Variants in TNR observed in about 807,000 individuals in gnomAD.
The protein encoded by TNR is tenascin R.
In TNR, 45 loss-of-function variants were observed where a neutral mutation model predicts 150.4. The observed-to-expected ratio is 0.30, with a 90% confidence interval of 0.24 to 0.38. The LOEUF (loss-of-function observed/expected upper bound fraction) is 0.38. Among genes scored for constraint, TNR ranks in the 10% least tolerant of loss-of-function variants. The probability of loss-of-function intolerance (pLI) is 1.00; values close to 1 mark genes in which losing one functional copy is unlikely to be tolerated. For synonymous variants in TNR, 687 were observed against 678.4 expected, an observed-to-expected ratio of 1.01 and a Z score of -0.20; for missense variants, 1,544 against 1,759.1, an observed-to-expected ratio of 0.88 and a Z score of 2.19.
At chr1:175,465,237 T>C (rs1228215603) in intron 2 of TNR, among the ~76,000 whole-genome samples, 2 of 152,208 alleles carry the variant, frequency 1.3e-5, no homozygotes, top group African/African-American at 4.8e-5. Context: ...CTTTTGGTCT[T>C]AGTTTCCTTA....
At chr1:175,334,325 A>C (rs1044727813) in intron 20 of TNR, among the ~76,000 whole-genome samples, 1 of 152,206 alleles carries the variant, frequency 6.6e-6, no homozygotes, top group Non-Finnish European at 1.5e-5. Context: ...CAAGGATGAT[A>C]ATAGTCCTCC....
rs560622589 is a variant in TNR, at chr1:175,722,234, G to A, written c.-165+20992C>T. The stretch of plus-strand genomic sequence containing the variant: ...TTCCCCTCCTCCTCCTTCCCCTATC[G>A]GTTTGAATTGTGAATAATTCATGTG... On this transcript the variant is annotated intron_variant, in intron 1 of 22. Coordinates refer to ENST00000367674, the MANE Select transcript of TNR (RefSeq NM_003285.3). Among the ~76,000 whole-genome samples, 23 of 152,122 alleles carry A rather than the reference G, an allele frequency of 1.5e-4. No individual in the cohort carries two copies. The South Asian group carries it at 3.1e-3, about 21-fold the overall frequency.
intron 1 of TNR, among the ~76,000 whole-genome samples, chr1:175,650,121 A>G (rs925840848): frequency 1.3e-5 from 2 of 152,182 alleles, no homozygotes; most frequent in East Asian, 3.9e-4. Context: ...TTTGATATCA[A>G]TGTTTATTGG....
At position 175,570,262 on chromosome 1, in the gene TNR, C is replaced by T. The variant is rs543640636; in HGVS notation, c.-164-41893G>A. ...TTACAAACCCACCTCAATTTCAGGC[C>T]GAGGGGCAGGGTCATTTGCACAACT... On this transcript the variant is annotated intron_variant, in intron 1 of 22. Coordinates refer to ENST00000367674, the MANE Select transcript of TNR (RefSeq NM_003285.3). Among the ~76,000 whole-genome samples the T allele has an allele frequency of 9.9e-5, 15 of 152,240 alleles. No homozygotes were observed. The South Asian group carries it at 2.1e-3, about 21-fold the overall frequency.
intron 1 of TNR, among the ~76,000 whole-genome samples, chr1:175,696,476 G>T (rs1265319472): frequency 6.6e-6 from 1 of 151,974 alleles, no homozygotes; most frequent in Non-Finnish European, 1.5e-5. Flanking sequence ...TGCCTTAATT[G>T]ACAAGCCTTG....
intron 1 of TNR, among the ~76,000 whole-genome samples, chr1:175,671,497 A>G (rs955068042): frequency 2.6e-5 from 4 of 152,134 alleles, no homozygotes; most frequent in Non-Finnish European, 4.4e-5. Flanking sequence ...AGGGCCCCTG[A>G]ATGGGTATGG....
At chr1:175,530,103 T>G (rs547466190) in intron 1 of TNR, among the ~76,000 whole-genome samples, 1 of 152,244 alleles carries the variant, frequency 6.6e-6, no homozygotes, top group Non-Finnish European at 1.5e-5. Flanking sequence ...AAGACGCTAA[T>G]CGTTTCTCCC....
chr1:175,496,292 T>C (rs1208489350), intron 2 of TNR, among the ~76,000 whole-genome samples: 1 of 152,196 alleles, frequency 6.6e-6, no homozygotes, highest in African/African-American at 2.4e-5. Flanking sequence ...TCACCAGGTA[T>C]TCCCCAACTT....
chr1:175,574,516 G>A (rs1662023190), intron 1 of TNR, among the ~76,000 whole-genome samples: 1 of 152,180 alleles, frequency 6.6e-6, no homozygotes, highest in Admixed American at 6.5e-5. Context: ...TTAACTGCTA[G>A]TGGGAGATAT....
intron 1 of TNR, among the ~76,000 whole-genome samples, chr1:175,733,921 G>A (rs1277504600): frequency 1.5e-5 from 2 of 133,594 alleles, no homozygotes; most frequent in Admixed American, 1.6e-4. Context: ...TTGTGAGGGA[G>A]TCAGTTATGA....
chr1:175,534,206 T>C (rs1571571839), intron 1 of TNR, among the ~76,000 whole-genome samples: 2 of 152,164 alleles, frequency 1.3e-5, no homozygotes. Context: ...CAGGGTTGGG[T>C]GTCCTGAGGG....
At chr1:175,578,185 C>G (rs1662197386) in intron 1 of TNR, among the ~76,000 whole-genome samples, 1 of 151,936 alleles carries the variant, frequency 6.6e-6, no homozygotes, top group South Asian at 2.1e-4. Context: ...TTCCACTTGT[C>G]AAATGTGGAC....
chr1:175,377,134 A>T (rs1652427880), intron 9 of TNR, among the ~76,000 whole-genome samples: 1 of 152,062 alleles, frequency 6.6e-6, no homozygotes, highest in Non-Finnish European at 1.5e-5. Flanking sequence ...CAAACTCCAC[A>T]AGCCTCAGTT....
In TNR at chr1:175,445,074, T is replaced by C. The variant is rs552642860; in HGVS notation, c.-63-38297A>G. ...TCATAAGGTTAGGAGATTGAGACCA[T>C]CCTAGCTAACACGGTGAAACCCCAT... On this transcript the variant is annotated intron_variant, in intron 2 of 22. Coordinates refer to ENST00000367674, the MANE Select transcript of TNR (RefSeq NM_003285.3). Among the ~76,000 whole-genome samples the C allele has an allele frequency of 3.8e-4, 58 of 152,122 alleles. 1 individual carries two copies. Among genetic ancestry groups the C allele is most frequent in the Admixed American group, 2.1e-3 (32 of 15,286 alleles).
At chr1:175,489,075 T>G (rs960662738) in intron 2 of TNR, among the ~76,000 whole-genome samples, 1 of 152,168 alleles carries the variant, frequency 6.6e-6, no homozygotes, top group Non-Finnish European at 1.5e-5. Flanking sequence ...AGCTACACAA[T>G]AGTTTAGATG....
intron 2 of TNR, among the ~76,000 whole-genome samples, chr1:175,432,040 G>A (rs1655296562): frequency 6.6e-6 from 1 of 151,582 alleles, no homozygotes. Context: ...AAGGCATCAT[G>A]CGTGAGCCTC....
rs139914165 is a variant in TNR at position 175,356,433 on chromosome 1, C to T, written c.3004G>A (p.Val1002Ile). 2 of 1,613,870 alleles carry T rather than the reference C, an allele frequency of 1.2e-6. No individual in the cohort carries two copies. Among genetic ancestry groups the T allele is most frequent in the African/African-American group, 1.3e-5 (1 of 74,890 alleles). The change falls in exon 16 of 23, where the codon GTC becomes ATC. Residue 1002 changes from valine (V) to isoleucine (I), a missense_variant. Transcript: ENST00000367674. ...TCAACAAGCCGAAATTCCTCACTGA[C>T]TCCGTCAACAAGGATGGTCTCTCCA... ...VAGETILVDG[V>I]SEEFRLVDLL...
intron 2 of TNR, among the ~76,000 whole-genome samples, chr1:175,456,815 T>C (rs180846078): frequency 2.8e-4 from 43 of 152,366 alleles, no homozygotes; most frequent in Middle Eastern, 3.4e-3. Flanking sequence ...AGCTCTATTA[T>C]ATCTTAAAAA....
intron 2 of TNR, among the ~76,000 whole-genome samples, chr1:175,407,078 G>C (rs1355276864): frequency 6.6e-6 from 1 of 152,240 alleles, no homozygotes; most frequent in Non-Finnish European, 1.5e-5. Flanking sequence ...AGGGCTGGGG[G>C]CTGGGGCCCT....
Sources: gnomAD v4.1 joint callset for allele counts (sites outside exome capture counted in the v4.1 genomes callset) on GRCh38, gnomAD v4.1.1 for gene constraint, MANE v1.5 for transcripts, NCBI Gene and HGNC (gene_info 2026-07-23, HGNC 2026-07-21) for gene names.